Variants in PHLDB2 observed in about 807,000 individuals in gnomAD.
The protein encoded by PHLDB2 is pleckstrin homology like domain family B member 2, also known as pleckstrin homology-like domain family B member 2.
In PHLDB2, 71 loss-of-function variants were observed where a neutral mutation model predicts 123.6. The ratio of observed to expected loss-of-function variants is 0.57; its 90% CI spans 0.47 to 0.70. The LOEUF (loss-of-function observed/expected upper bound fraction) is 0.70, where lower values mean the gene tolerates loss of function less well. Among genes scored for constraint, PHLDB2 ranks in the 30% least tolerant of loss-of-function variants. The pLI is 0.00. For synonymous variants in PHLDB2, 547 were observed against 541.6 expected (o/e 1.01, Z -0.14); for missense variants, 1,446 against 1,519.5 (o/e 0.95, Z 0.80).
At chr3:111,736,398 G>C (rs1302607232) in intron 1 of PHLDB2, among the ~76,000 whole-genome samples, 1 of 152,140 alleles carries the variant, frequency 6.6e-6, no homozygotes, top group Non-Finnish European at 1.5e-5. Context: ...GTCAATAGTT[G>C]TATTTAATCT....
intron 1 of PHLDB2, among the ~76,000 whole-genome samples, chr3:111,759,936 C>T (rs558309782): frequency 2.6e-5 from 4 of 152,312 alleles, no homozygotes; most frequent in Admixed American, 2.6e-4. Context: ...GGACAAGAGG[C>T]TTTAAGGGCA....
intron 2 of PHLDB2, among the ~76,000 whole-genome samples, chr3:111,853,847 G>A (rs1390155555): frequency 6.7e-6 from 1 of 149,052 alleles, no homozygotes; most frequent in East Asian, 2.0e-4. Context: ...ACTCCAGCCT[G>A]AGCAACAAGA....
intron 1 of PHLDB2, among the ~76,000 whole-genome samples, chr3:111,832,688 A>G (rs1213119268): frequency 1.1e-5 from 1 of 92,670 alleles, no homozygotes; most frequent in African/African-American, 6.7e-5. Flanking sequence ...TATACATATA[A>G]TATATATAAT....
intron 9 of PHLDB2, 34 bp from the exon 10 acceptor site, chr3:111,948,898 T>A (rs1458023405): frequency 6.2e-7 from 1 of 1,609,694 alleles, no homozygotes; most frequent in Non-Finnish European, 8.5e-7. Context: ...GCTTTTGCTT[T>A]CTTTGTGTTT....
At chr3:111,950,517 A>T (rs555357534) in intron 10 of PHLDB2, among the ~76,000 whole-genome samples, 1 of 152,284 alleles carries the variant, frequency 6.6e-6, no homozygotes, top group Non-Finnish European at 1.5e-5. Context: ...TCTAGTTTTT[A>T]TTCACCAGAT....
chr3:111,892,169 A>T (rs1041168761), intron 2 of PHLDB2, among the ~76,000 whole-genome samples: 1 of 152,022 alleles, frequency 6.6e-6, no homozygotes, highest in Non-Finnish European at 1.5e-5. Context: ...ACACATACGA[A>T]TTTTTTCCAT....
intron 16 of PHLDB2, 68 bp from the exon 17 acceptor site, chr3:111,973,664 T>A: frequency 1.2e-6 from 1 of 845,614 alleles, no homozygotes; most frequent in Non-Finnish European, 1.9e-6. Flanking sequence ...ATTATAATTG[T>A]AATAAAATTA....
intron 2 of PHLDB2, among the ~76,000 whole-genome samples, chr3:111,847,854 G>A (rs2064068574): frequency 6.6e-6 from 1 of 152,186 alleles, no homozygotes; most frequent in African/African-American, 2.4e-5. Flanking sequence ...ATATGATTTG[G>A]CAATGTATTG....
intron 2 of PHLDB2, among the ~76,000 whole-genome samples, chr3:111,886,209 C>T (rs2066152817): frequency 6.6e-6 from 1 of 152,196 alleles, no homozygotes; most frequent in African/African-American, 2.4e-5. Context: ...ACAAGAGAAG[C>T]TGCAGGATAG....
chr3:111,733,976 C>T (rs977043131), intron 1 of PHLDB2, among the ~76,000 whole-genome samples: 10 of 152,072 alleles, frequency 6.6e-5, no homozygotes, highest in Admixed American at 1.3e-4. Flanking sequence ...TTATTTTTGT[C>T]AATCAGTTGT....
chr3:111,787,868 T>G (rs936205645), intron 1 of PHLDB2, among the ~76,000 whole-genome samples: 1 of 152,216 alleles, frequency 6.6e-6, no homozygotes, highest in Non-Finnish European at 1.5e-5. Context: ...TACACCAATT[T>G]TTTTCTACAG....
chr3:111,931,596 G>A (rs1243279046), intron 5 of PHLDB2, among the ~76,000 whole-genome samples: 1 of 152,034 alleles, frequency 6.6e-6, no homozygotes, highest in Non-Finnish European at 1.5e-5. Context: ...CACATTTTTG[G>A]TGTGTCTGAG....
chr3:111,810,557 A>G (rs1318269243), intron 1 of PHLDB2, among the ~76,000 whole-genome samples: 1 of 152,110 alleles, frequency 6.6e-6, no homozygotes, highest in Non-Finnish European at 1.5e-5. Flanking sequence ...TTTTAAGACC[A>G]CTAATCCTAT....
chr3:111,796,775 A>G (rs2061180213), intron 1 of PHLDB2, among the ~76,000 whole-genome samples: 1 of 152,182 alleles, frequency 6.6e-6, no homozygotes, highest in Non-Finnish European at 1.5e-5. Context: ...GACCCCGCAA[A>G]GGGCTGGGAT....
At chr3:111,798,049 C>T (rs1238261273) in intron 1 of PHLDB2, among the ~76,000 whole-genome samples, 1 of 152,048 alleles carries the variant, frequency 6.6e-6, no homozygotes, top group African/African-American at 2.4e-5. Flanking sequence ...TGGGAAGATC[C>T]TTTAAGCTCA....
chr3:111,962,407 G>A lies in PHLDB2; in HGVS notation c.3077+95G>A, dbSNP rs912727969. 4.3e-6 allele frequency: 5 copies of A among 1,167,814 alleles called. No individual in the cohort carries two copies. The African/African-American group carries it at 7.9e-5, about 19-fold the overall frequency. 72.3% of individuals were successfully genotyped at this position (1,167,814 alleles called of 1,614,324 possible). On this transcript the variant is annotated intron_variant, in intron 13 of 17. Transcript: ENST00000431670. ...CAATTTGGGAACTGTATATGCACAA[G>A]CCCAAATTTTTGAGACATAAAGGGT... is the stretch of plus-strand genomic sequence containing the variant.
At chr3:111,791,202 A>G (rs989721751) in intron 1 of PHLDB2, among the ~76,000 whole-genome samples, 1 of 152,220 alleles carries the variant, frequency 6.6e-6, no homozygotes, top group Non-Finnish European at 1.5e-5. Context: ...ATAAATTTCT[A>G]TATATGGTAT....
chr3:111,819,376 G>T (rs552796532), intron 1 of PHLDB2, among the ~76,000 whole-genome samples: 1 of 152,274 alleles, frequency 6.6e-6, no homozygotes, highest in South Asian at 2.1e-4. Flanking sequence ...TCCATAAAAA[G>T]CCAAGGTAGA....
intron 1 of PHLDB2, among the ~76,000 whole-genome samples, chr3:111,777,702 T>C (rs2060290802): frequency 1.2e-5 from 1 of 84,514 alleles, no homozygotes; most frequent in South Asian, 2.7e-4. Flanking sequence ...TTGCAACTTG[T>C]TGTTTGATGC....
Sources: allele counts gnomAD v4.1 joint callset (sites outside exome capture counted in the v4.1 genomes callset), GRCh38; gene constraint gnomAD v4.1.1; transcripts MANE v1.5; gene names NCBI Gene and HGNC (gene_info 2026-07-23, HGNC 2026-07-21).